BRWD1: variants seen among roughly 807,000 people sequenced by gnomAD.
The protein encoded by BRWD1 is bromodomain and WD repeat-containing protein 1.
Under a neutral mutation model 251.2 loss-of-function variants are expected in BRWD1, and 82 were observed. The observed-to-expected ratio is 0.33, with a 90% CI of 0.27 to 0.39. The LOEUF (loss-of-function observed/expected upper bound fraction) is 0.39, where lower values mean the gene tolerates loss of function less well. Ranked by LOEUF, BRWD1 falls within the 10% of genes least tolerant of loss-of-function variation. BRWD1 has a pLI of 1.00. For missense variants in BRWD1, 2,233 were observed against 2,711.6 expected, an observed-to-expected ratio of 0.82 and a Z score of 3.92; for synonymous variants, 918 against 902.8, an observed-to-expected ratio of 1.02 and a Z score of -0.30.
upstream of BRWD1, chr21:39,314,425 A>G (rs2146829125): frequency 2.3e-6 from 1 of 435,062 alleles, no homozygotes; most frequent in East Asian, 7.1e-5. Flanking sequence ...CATGGACAGG[A>G]AAACGGGACT....
chr21:39,278,483 G>T, intron 10 of BRWD1: 1 of 410,086 alleles, frequency 2.4e-6, no homozygotes, highest in South Asian at 7.1e-5. Flanking sequence ...ACTGGCATAG[G>T]AATCACTTGT....
Position 39,229,338 on chromosome 21 carries a change from T to A in BRWD1, c.3099A>T (p.Lys1033Asn). 1 of 1,603,074 alleles carries A rather than the reference T, an allele frequency of 6.2e-7. No homozygotes were observed. Among genetic ancestry groups the A allele is most frequent in the Non-Finnish European group, 8.5e-7 (1 of 1,170,592 alleles). The change falls in exon 26 of 41, where the codon AAA (lysine) becomes AAT (asparagine). Residue 1033 changes from lysine to asparagine, a missense_variant. Physicochemically the swap from Lys to Asn is moderately conservative, Grantham distance 94. Transcript: ENST00000342449. ...KLAFIDPATG[K>N]LMDKSFSIRY... is the part of the protein sequence containing the mutation. The stretch of plus-strand genomic sequence containing the variant: ...TAATAGAGAAAGATTTGTCCATAAG[T>A]TTTCCAGTTGCTGGATCTATAAATG...
intron 4 of BRWD1, among the ~76,000 whole-genome samples, chr21:39,305,774 G>C (rs1307755178): frequency 6.6e-6 from 1 of 150,424 alleles, no homozygotes; most frequent in Non-Finnish European, 1.5e-5. Flanking sequence ...TGAGGCAGGA[G>C]AATCACTTGA....
At chr21:39,301,445 G>A (rs2036109620) in intron 4 of BRWD1, among the ~76,000 whole-genome samples, 1 of 151,618 alleles carries the variant, frequency 6.6e-6, no homozygotes, top group Non-Finnish European at 1.5e-5. Flanking sequence ...GCGAGGAACT[G>A]AGAGTGGCCA....
intron 8 of BRWD1, among the ~76,000 whole-genome samples, chr21:39,293,248 A>C (rs574072158): frequency 6.6e-6 from 1 of 152,264 alleles, no homozygotes; most frequent in African/African-American, 2.4e-5. Flanking sequence ...TAATCCCAGC[A>C]CTTTGGGAGG....
chr21:39,295,532 G>A (rs1400977757), intron 7 of BRWD1, among the ~76,000 whole-genome samples: 1 of 151,556 alleles, frequency 6.6e-6, no homozygotes, highest in Non-Finnish European at 1.5e-5. Context: ...ATTTAAGAAC[G>A]ACTACTCTAA....
At chr21:39,217,032 TA>T (rs1568877616) in intron 31 of BRWD1, 14 of 19,666 alleles carry the variant, frequency 7.1e-4, no homozygotes, top group African/African-American at 1.1e-3. Context: ...TATATATATA[TA>T]TAAATATATA....
chr21:39,258,229 T>C (rs1425184293), intron 18 of BRWD1, among the ~76,000 whole-genome samples: 2 of 152,220 alleles, frequency 1.3e-5, no homozygotes, highest in African/African-American at 4.8e-5. Context: ...CAATCTGTTA[T>C]TCGCTCCTAT....
intron 38 of BRWD1, among the ~76,000 whole-genome samples, chr21:39,201,539 C>T (rs139973665): frequency 1.3e-5 from 2 of 152,266 alleles, no homozygotes; most frequent in African/African-American, 4.8e-5. Context: ...AAAATGCATC[C>T]TTCTTTCCTT....
Position 39,195,426 on chromosome 21 carries a change from G to A in BRWD1, c.*833C>T, listed in dbSNP as rs2836936. Reference sequence around the variant, plus strand: ...TTTCACAGAGTAAGATTATGGAAGAGCAAGATTTTGGTTAAATCCCTTACA... The same window carrying A: ...TTTCACAGAGTAAGATTATGGAAGAACAAGATTTTGGTTAAATCCCTTACA... On this transcript the variant is annotated 3_prime_UTR_variant, in exon 41 of 41. Transcript: ENST00000342449. 123,202 of 984,916 alleles carry A rather than the reference G, an allele frequency of 0.13. 8,074 individuals are homozygous for A. Among genetic ancestry groups the A allele is most frequent in the East Asian group, 0.14 (1,264 of 8,804 alleles). 61.0% of individuals were successfully genotyped at this position (984,916 alleles called of 1,614,324 possible).
intron 1 of BRWD1, 67 bp from the exon 2 acceptor site, chr21:39,313,366 CG>C: frequency 3.4e-6 from 5 of 1,466,180 alleles, no homozygotes; most frequent in Admixed American, 4.6e-5. Context: ...CCAGGGGAGC[CG>C]GGGGAGCCCG....
At chr21:39,243,528 C>A (rs1329090938) in intron 21 of BRWD1, among the ~76,000 whole-genome samples, 1 of 152,198 alleles carries the variant, frequency 6.6e-6, no homozygotes, top group African/African-American at 2.4e-5. Context: ...TCATTGCAGC[C>A]TCAACCTCCT....
intron 27 of BRWD1, among the ~76,000 whole-genome samples, chr21:39,225,897 G>A (rs1227902856): frequency 2.0e-5 from 3 of 152,064 alleles, no homozygotes; most frequent in Non-Finnish European, 4.4e-5. Flanking sequence ...TACAATTTAA[G>A]ACAAACCACA....
chr21:39,205,973 G>A (rs2032370556), intron 37 of BRWD1, 135 bp downstream of exon 37: 5 of 789,532 alleles, frequency 6.3e-6, no homozygotes, highest in East Asian at 2.6e-5. Flanking sequence ...CCAGCTACTT[G>A]GGAGGCTGAG....
intron 11 of BRWD1, 102 bp from the exon 12 acceptor site, chr21:39,276,315 CA>C: frequency 5.1e-6 from 5 of 976,896 alleles, no homozygotes; most frequent in Non-Finnish European, 7.2e-6. Flanking sequence ...CTTTAACAAG[CA>C]AAATTTGCAC....
chr21:39,236,226 G>T (rs970879621), intron 23 of BRWD1, among the ~76,000 whole-genome samples: 11 of 152,202 alleles, frequency 7.2e-5, no homozygotes, highest in African/African-American at 2.7e-4. Context: ...CATCTGTGAA[G>T]CAAAGGCCTC....
At chr21:39,224,800 T>C (rs1301249527) in intron 28 of BRWD1, among the ~76,000 whole-genome samples, 2 of 152,088 alleles carry the variant, frequency 1.3e-5, no homozygotes, top group African/African-American at 2.4e-5. Flanking sequence ...AGATTAATGA[T>C]ATAGTATCTG....
At chr21:39,260,016 G>T (rs750072457) in intron 17 of BRWD1, among the ~76,000 whole-genome samples, 9 of 152,068 alleles carry the variant, frequency 5.9e-5, no homozygotes, top group Admixed American at 2.0e-4. Flanking sequence ...AGACTCCCTT[G>T]CATATCACTG....
intron 40 of BRWD1, 65 bp downstream of exon 40, chr21:39,198,698 A>G (rs977308888): frequency 3.5e-6 from 5 of 1,409,746 alleles, no homozygotes; most frequent in Middle Eastern, 2.5e-4. Flanking sequence ...GGAAAAAACC[A>G]ATGTGTGTAA....
Sources: allele counts gnomAD v4.1 joint callset (sites outside exome capture counted in the v4.1 genomes callset), GRCh38; gene constraint gnomAD v4.1.1; transcripts MANE v1.5; gene names NCBI Gene and HGNC (gene_info 2026-07-23, HGNC 2026-07-21).